Variants in SLC14A1 observed in about 807,000 individuals in gnomAD.
The protein encoded by SLC14A1 is urea transporter 1.
Under a neutral mutation model 39.6 loss-of-function variants are expected in SLC14A1, and 36 were observed. The observed-to-expected ratio is 0.91, with a 90% confidence interval of 0.70 to 1.20. The LOEUF (loss-of-function observed/expected upper bound fraction) is 1.20, where lower values mean the gene tolerates loss of function less well. SLC14A1 is among the 50% of genes most tolerant of loss of function. SLC14A1 has a pLI of 0.00. For missense variants in SLC14A1, 469 were observed against 478.7 expected (o/e 0.98, Z 0.19); for synonymous variants, 164 against 173.6 (o/e 0.94, Z 0.43).
chr18:45,732,151 A>G (rs1021032091), intron 4 of SLC14A1, among the ~76,000 whole-genome samples: 1 of 152,234 alleles, frequency 6.6e-6, no homozygotes, highest in Non-Finnish European at 1.5e-5. Context: ...CTGATGAAAC[A>G]TGATCAACTC....
chr18:45,738,974 G>A (rs1429030244), intron 6 of SLC14A1, among the ~76,000 whole-genome samples, 189 bp from the exon 7 acceptor site: 4 of 152,120 alleles, frequency 2.6e-5, no homozygotes, highest in Non-Finnish European at 5.9e-5. Context: ...GTATCTCTGG[G>A]GATAAAGCTG....
At chr18:45,735,110 T>C (rs1429305727) in intron 5 of SLC14A1, among the ~76,000 whole-genome samples, 1 of 152,128 alleles carries the variant, frequency 6.6e-6, no homozygotes, top group African/African-American at 2.4e-5. Context: ...TACACTTGAC[T>C]CCTCCCTCCC....
chr18:45,748,558 TCTC>T (rs989115019), intron 9 of SLC14A1, 133 bp downstream of exon 9: 1 of 893,536 alleles, frequency 1.1e-6, no homozygotes. Context: ...TGCTCTCCCT[TCTC>T]CTGGAGCTCC....
At chr18:45,732,300 A>G (rs569932321) in intron 4 of SLC14A1, among the ~76,000 whole-genome samples, 20 of 152,346 alleles carry the variant, frequency 1.3e-4, no homozygotes, top group African/African-American at 4.3e-4. Flanking sequence ...CTGTGGCTTT[A>G]ACTATGGCAT....
At chr18:45,736,114 G>A (rs1310024487) in intron 5 of SLC14A1, among the ~76,000 whole-genome samples, 2 of 152,148 alleles carry the variant, frequency 1.3e-5, no homozygotes, top group Non-Finnish European at 2.9e-5. Context: ...AAGAGCAAGT[G>A]GAGGGACAAA....
chr18:45,739,108 T>G, intron 6 of SLC14A1, 55 bp from the exon 7 acceptor site: 2 of 1,596,776 alleles, frequency 1.3e-6, no homozygotes, highest in Non-Finnish European at 1.7e-6. Flanking sequence ...GGGTGTCCTG[T>G]GGGTTTCTGT....
chr18:45,730,346 G>C lies in SLC14A1; in HGVS notation c.26G>C (p.Arg9Thr), dbSNP rs1221339086. 8 of 1,613,180 alleles carry C rather than the reference G, an allele frequency of 5.0e-6. No homozygotes were observed. Among genetic ancestry groups the C allele is most frequent in the Non-Finnish European group, 6.8e-6 (8 of 1,179,944 alleles). MEDSPTMVRVDSPTMVRGE... is the reference protein window; with the variant it reads MEDSPTMVTVDSPTMVRGE... ...ATGGAGGACAGCCCCACTATGGTTAGAGTGGACAGCCCCACTATGGTTAGG... is the reference window on the plus strand; with the variant it reads ...ATGGAGGACAGCCCCACTATGGTTACAGTGGACAGCCCCACTATGGTTAGG... The change falls in exon 3 of 10, where the codon AGA becomes ACA. Residue 9 changes from arginine (R) to threonine (T), a missense_variant. Arg to Thr is a moderately conservative substitution (Grantham distance 71). Coordinates refer to ENST00000321925, the MANE Select transcript of SLC14A1 (RefSeq NM_015865.7).
chr18:45,748,458 G>T, intron 9 of SLC14A1, 33 bp downstream of exon 9: 3 of 1,608,592 alleles, frequency 1.9e-6, no homozygotes, highest in South Asian at 2.2e-5. Context: ...TTTCATTAGC[G>T]TAATTGACCA....
At chr18:45,732,679 A>G (rs2047067985) in intron 4 of SLC14A1, among the ~76,000 whole-genome samples, 5 of 152,266 alleles carry the variant, frequency 3.3e-5, no homozygotes, top group Admixed American at 3.3e-4. Context: ...CTCCTGCTCG[A>G]GCCCAGCATT....
intron 2 of SLC14A1, among the ~76,000 whole-genome samples, chr18:45,728,768 G>T (rs146838590): frequency 3.3e-5 from 5 of 152,198 alleles, no homozygotes; most frequent in African/African-American, 1.2e-4. Flanking sequence ...ACAGATGTTG[G>T]TATCTAACAT....
chr18:45,739,956 T>G, intron 8 of SLC14A1: 1 of 438,986 alleles, frequency 2.3e-6, no homozygotes, highest in Non-Finnish European at 4.2e-6. Flanking sequence ...TTCTTCAGCT[T>G]TATCCCCAGA....
intron 9 of SLC14A1, 79 bp downstream of exon 9, chr18:45,748,504 C>A: frequency 2.8e-6 from 4 of 1,432,236 alleles, no homozygotes; most frequent in Non-Finnish European, 3.9e-6. Context: ...CTGAAGTCCA[C>A]TGGGCTGGCA....
Position 45,751,280 on chromosome 18 carries a change from C to A in SLC14A1, c.*1329C>A. The stretch of plus-strand genomic sequence containing the variant: ...ACTTGAGCCCAGGAGGAGGAGGCTG[C>A]AGTGAGCTAAGATTGCACCACTGCA... On this transcript the variant is annotated 3_prime_UTR_variant, in exon 10 of 10. Coordinates refer to ENST00000321925, the MANE Select transcript of SLC14A1 (RefSeq NM_015865.7). 1 of 629,090 alleles carries A rather than the reference C, an allele frequency of 1.6e-6. No homozygotes were observed. Among genetic ancestry groups the A allele is most frequent in the Non-Finnish European group, 2.0e-6 (1 of 510,750 alleles). 39.0% of individuals were successfully genotyped at this position (629,090 alleles called of 1,614,324 possible).
chr18:45,730,602 A>G (rs1479166092), intron 3 of SLC14A1, 131 bp downstream of exon 3: 6 of 1,059,688 alleles, frequency 5.7e-6, no homozygotes, highest in Non-Finnish European at 8.3e-6. Flanking sequence ...CCATTTTTCT[A>G]CTTTTATCTT....
intron 9 of SLC14A1, among the ~76,000 whole-genome samples, chr18:45,749,538 G>A (rs887374083): frequency 7.9e-5 from 12 of 151,972 alleles, no homozygotes; most frequent in Non-Finnish European, 1.8e-4. Context: ...TATATGAGAG[G>A]GAGAGAAAGA....
Position 45,736,535 on chromosome 18 carries a change from T to C in SLC14A1, c.550T>C (p.Leu184=). Residue 184 remains leucine (L), a synonymous_variant, in exon 6 of 10, where the codon TTG becomes CTG. Transcript: ENST00000321925. The stretch of plus-strand genomic sequence containing the variant: ...CTTCACCCTCCCTTTCAACATGGCG[T>C]TGTCAATGTACCTTTCAGCCACAGG... The part of the protein sequence containing the change: ...PVFTLPFNMA[L]SMYLSATGHY... The C allele has an allele frequency of 6.2e-7, 1 of 1,614,188 alleles. No homozygotes were observed. The highest frequency in any genetic ancestry group is 8.5e-7 in the Non-Finnish European group (1 of 1,180,004).
chr18:45,730,263 C>T, intron 2 of SLC14A1, 37 bp from the exon 3 acceptor site: 1 of 1,593,358 alleles, frequency 6.3e-7, no homozygotes. Context: ...GAGGGCTCTG[C>T]CTTAGGGATA....
chr18:45,727,041 T>C, intron 2 of SLC14A1: 1 of 499,604 alleles, frequency 2.0e-6, no homozygotes. Context: ...AACATCAAAT[T>C]TCCATAGTCA....
In SLC14A1 at chr18:45,750,822, G is replaced by A; in HGVS notation, c.*871G>A. 1 of 985,070 alleles carries A rather than the reference G, an allele frequency of 1.0e-6. No homozygotes were observed. Among genetic ancestry groups the A allele is most frequent in the Non-Finnish European group, 1.2e-6 (1 of 829,668 alleles). The allele number at this position is 985,070 out of a possible 1,614,324, so 61.0% of individuals were successfully genotyped here. ...TTACTTTAACCCCTAAATTGATTTTGTAAATGCCACAAATGCATAGAATTG... is the reference window on the plus strand; with the variant it reads ...TTACTTTAACCCCTAAATTGATTTTATAAATGCCACAAATGCATAGAATTG... On this transcript the variant is annotated 3_prime_UTR_variant, in exon 10 of 10. Coordinates refer to ENST00000321925, the MANE Select transcript of SLC14A1 (RefSeq NM_015865.7).
Sources: allele counts gnomAD v4.1 joint callset (sites outside exome capture counted in the v4.1 genomes callset), GRCh38; gene constraint gnomAD v4.1.1; transcripts MANE v1.5; gene names NCBI Gene and HGNC (gene_info 2026-07-23, HGNC 2026-07-21).